Variants in PIK3CB observed in about 807,000 individuals in gnomAD.
The protein encoded by PIK3CB is phosphatidylinositol 4,5-bisphosphate 3-kinase catalytic subunit beta isoform.
Under a neutral mutation model 136.8 loss-of-function variants are expected in PIK3CB, and 39 were observed. The ratio of observed to expected loss-of-function variants is 0.29; its 90% CI spans 0.22 to 0.37. The LOEUF (loss-of-function observed/expected upper bound fraction) is 0.37. Among genes scored for constraint, PIK3CB ranks in the 10% least tolerant of loss-of-function variants. The pLI, the probability that PIK3CB is intolerant of heterozygous loss-of-function variation, is 1.00. For missense variants in PIK3CB, 868 were observed against 1,275.4 expected, an observed-to-expected ratio of 0.68 and a Z score of 4.87; for synonymous variants, 428 against 436.6, an observed-to-expected ratio of 0.98 and a Z score of 0.25.
chr3:138,781,114 A>T (rs2045918085), intron 2 of PIK3CB, among the ~76,000 whole-genome samples: 1 of 152,000 alleles, frequency 6.6e-6, no homozygotes, highest in African/African-American at 2.4e-5. Context: ...ACACAGTGTG[A>T]CCTCATCTCT....
At chr3:138,745,780 C>T (rs1161372814) in intron 4 of PIK3CB, among the ~76,000 whole-genome samples, 2 of 152,140 alleles carry the variant, frequency 1.3e-5, no homozygotes, top group African/African-American at 4.8e-5. Context: ...TTTTTCCCTT[C>T]GAGGCTTGGG....
At chr3:138,761,095 T>C (rs2045656828) in intron 2 of PIK3CB, among the ~76,000 whole-genome samples, 1 of 152,176 alleles carries the variant, frequency 6.6e-6, no homozygotes, top group African/African-American at 2.4e-5. Context: ...CAATCGTCCG[T>C]GTCTGTCTTG....
intron 1 of PIK3CB, among the ~76,000 whole-genome samples, chr3:138,810,701 G>A (rs750410677): frequency 1.3e-5 from 2 of 150,812 alleles, no homozygotes; most frequent in Non-Finnish European, 3.0e-5. Flanking sequence ...GATGGATCAC[G>A]AGGTCAGGAG....
chr3:138,747,795 T>C (rs902923176), intron 4 of PIK3CB, among the ~76,000 whole-genome samples: 5 of 152,198 alleles, frequency 3.3e-5, no homozygotes, highest in Admixed American at 1.3e-4. Flanking sequence ...AGTTTCAATA[T>C]ACGTATTAAA....
At chr3:138,719,187 T>C (rs991261334) in intron 8 of PIK3CB, among the ~76,000 whole-genome samples, 3 of 151,680 alleles carry the variant, frequency 2.0e-5, no homozygotes, top group East Asian at 1.9e-4. Flanking sequence ...CTACCTTATA[T>C]GCTATAAACA....
At chr3:138,755,019 T>G (rs1382350500) in intron 4 of PIK3CB, among the ~76,000 whole-genome samples, 1 of 152,226 alleles carries the variant, frequency 6.6e-6, no homozygotes, top group Non-Finnish European at 1.5e-5. Context: ...TCCATGTTCT[T>G]GATTGTGTTA....
rs146545745 is a variant in PIK3CB at position 138,726,177 on chromosome 3, T to G, written c.1050+7184A>C. Among the ~76,000 whole-genome samples the G allele has an allele frequency of 9.5e-3, 1,445 of 152,330 alleles. 15 individuals carry two copies. The highest frequency in any genetic ancestry group is 0.011 in the Non-Finnish European group (747 of 68,020). ...ATATGCCACTGTTCAGTTCTCAAAGTATGTAGACTGTTAAGAGCAGATCCT... is the reference window on the plus strand; with the variant it reads ...ATATGCCACTGTTCAGTTCTCAAAGGATGTAGACTGTTAAGAGCAGATCCT... On this transcript the variant is annotated intron_variant, in intron 8 of 23. Transcript: ENST00000674063.
At chr3:138,769,285 T>C (rs542345338) in intron 2 of PIK3CB, among the ~76,000 whole-genome samples, 1 of 152,356 alleles carries the variant, frequency 6.6e-6, no homozygotes, top group East Asian at 1.9e-4. Flanking sequence ...GATATAATTG[T>C]AGCCTATATT....
Position 138,737,609 on chromosome 3 carries a change from C to T in PIK3CB, c.801+98G>A, listed in dbSNP as rs552098353. 14 of 341,590 alleles carry T rather than the reference C, an allele frequency of 4.1e-5. No homozygotes were observed. In the East Asian group the frequency reaches 5.3e-4, roughly 13 times the overall value. 21.2% of individuals were successfully genotyped at this position (341,590 alleles called of 1,614,324 possible). On this transcript the variant is annotated intron_variant, in intron 6 of 23. Coordinates refer to ENST00000674063, the MANE Select transcript of PIK3CB (RefSeq NM_006219.3). ...TAATTTTCTGTATATTCCAAATGTT[C>T]CAGTGTGGGAACACATTTTTAAAGT...
At chr3:138,810,142 T>A (rs945935916) in intron 1 of PIK3CB, among the ~76,000 whole-genome samples, 1 of 152,210 alleles carries the variant, frequency 6.6e-6, no homozygotes, top group African/African-American at 2.4e-5. Context: ...AGTATTGGAT[T>A]ATAAACCAAA....
intron 19 of PIK3CB, among the ~76,000 whole-genome samples, chr3:138,679,091 A>G (rs1265321901): frequency 6.6e-6 from 1 of 152,138 alleles, no homozygotes; most frequent in African/African-American, 2.4e-5. Context: ...AAACAAAAAA[A>G]GAAAAAACAA....
At chr3:138,698,023 A>G (rs2044174387) in intron 13 of PIK3CB, among the ~76,000 whole-genome samples, 1 of 152,222 alleles carries the variant, frequency 6.6e-6, no homozygotes, top group Admixed American at 6.5e-5. Flanking sequence ...GTGTGCTACC[A>G]TGCCTGGCTC....
chr3:138,742,924 A>G, intron 4 of PIK3CB, 143 bp from the exon 5 acceptor site: 1 of 523,012 alleles, frequency 1.9e-6, no homozygotes, highest in East Asian at 3.0e-5. Flanking sequence ...AGGGAGGAAA[A>G]TACCATTAAA....
rs2045147821 is a variant in PIK3CB, at chr3:138,737,889, G to A, written c.622-3C>T. 6.3e-7 allele frequency: 1 copy of A among 1,575,640 alleles called. No individual in the cohort carries two copies. The highest frequency in any genetic ancestry group is 8.6e-7 in the Non-Finnish European group (1 of 1,157,654). ...GACACTTGAAAGCTAAACACGTCCTGAAGGGGGAGGGAGATGGGGAAAAAA... is the reference window on the plus strand; with the variant it reads ...GACACTTGAAAGCTAAACACGTCCTAAAGGGGGAGGGAGATGGGGAAAAAA... On this transcript the variant is annotated splice_polypyrimidine_tract_variant and splice_region_variant and intron_variant, in intron 5 of 23. Coordinates refer to ENST00000674063, the MANE Select transcript of PIK3CB (RefSeq NM_006219.3).
At chr3:138,717,609 G>T (rs1356040456) in intron 8 of PIK3CB, among the ~76,000 whole-genome samples, 4 of 152,050 alleles carry the variant, frequency 2.6e-5, no homozygotes, top group Non-Finnish European at 4.4e-5. Flanking sequence ...TGTCACAGGG[G>T]TTTGTTGTAT....
intron 2 of PIK3CB, among the ~76,000 whole-genome samples, chr3:138,761,939 C>CAA (rs762943021): frequency 0.019 from 2,619 of 135,870 alleles, 33 homozygotes; most frequent in Non-Finnish European, 0.026. Context: ...GACTCTGTCT[C>CAA]AAAAAAAAAA....
rs1577029764 is a variant in PIK3CB, at chr3:138,653,589, A to G, written c.*1800T>C. On this transcript the variant is annotated 3_prime_UTR_variant, in exon 24 of 24. Transcript: ENST00000674063. ...CTACTAGACAAAGATCTCTGAACAA[A>G]CCTGTCCTTCCATAGTTCTATTCCT... The G allele has an allele frequency of 5.4e-6, 1 of 184,984 alleles. No homozygotes were observed. The highest frequency in any genetic ancestry group is 6.2e-5 in the Admixed American group (1 of 16,076). The allele number at this position is 184,984 out of a possible 1,614,324, so 11.5% of individuals were successfully genotyped here.
chr3:138,767,497 G>T (rs1332715676), intron 2 of PIK3CB, among the ~76,000 whole-genome samples: 1 of 152,162 alleles, frequency 6.6e-6, no homozygotes, highest in Non-Finnish European at 1.5e-5. Flanking sequence ...AACATCTGTG[G>T]CCAGTGGCGC....
Position 138,742,722 on chromosome 3 carries a change from G to T in PIK3CB, c.457C>A (p.Arg153Ser). 6.2e-7 allele frequency: 1 copy of T among 1,613,262 alleles called. No individual in the cohort carries two copies. Among genetic ancestry groups the T allele is most frequent in the Non-Finnish European group, 8.5e-7 (1 of 1,179,506 alleles). ...PEVNEFRRKM[R>S]KFSEEKILSL... ...AGGATTTTTTCCTCGCTGAATTTGC[G>T]CATTTTTCTTCGAAATTCATTTACT... The change falls in exon 5 of 24, where the codon CGC becomes AGC. Residue 153 changes from arginine (R) to serine (S), a missense_variant. This residue lies in a region of PIK3CB where 612 missense variants were observed against 801.1 expected (regional missense o/e 0.76). Coordinates refer to ENST00000674063, the MANE Select transcript of PIK3CB (RefSeq NM_006219.3).
Sources: gnomAD v4.1 joint callset for allele counts (sites outside exome capture counted in the v4.1 genomes callset) on GRCh38, gnomAD v4.1.1 for gene constraint, gnomAD v4.1.1 regional missense constraint, MANE v1.5 for transcripts, NCBI Gene and HGNC (gene_info 2026-07-23, HGNC 2026-07-21) for gene names.